BRINP3: variants seen among roughly 807,000 people sequenced by gnomAD.
BRINP3 encodes the protein BMP/retinoic acid-inducible neural-specific protein 3.
Under a neutral mutation model 71.0 loss-of-function variants are expected in BRINP3, and 19 were observed. That is an observed-to-expected ratio of 0.27 (90% confidence interval 0.19 to 0.39). The LOEUF (loss-of-function observed/expected upper bound fraction) is 0.39. BRINP3 is among the 10% of genes least tolerant of loss of function. BRINP3 has a pLI of 1.00. For synonymous variants in BRINP3, 380 were observed against 337.7 expected, an observed-to-expected ratio of 1.13 and a Z score of -1.37; for missense variants, 959 against 940.8, an observed-to-expected ratio of 1.02 and a Z score of -0.25.
At chr1:190,301,234 T>TATATATATATATATATATAC in intron 2 of BRINP3, among the ~76,000 whole-genome samples, 2 of 123,398 alleles carry the variant, frequency 1.6e-5, no homozygotes, top group Admixed American at 1.7e-4. Context: ...TATATATATA[T>TATATATATATATATATATAC]ACACACATAC....
intron 6 of BRINP3, among the ~76,000 whole-genome samples, chr1:190,205,217 T>C (rs1038670524): frequency 7.3e-5 from 11 of 151,614 alleles, no homozygotes; most frequent in African/African-American, 2.7e-4. Context: ...ACTTTCCGTG[T>C]TTTAAAACTC....
At chr1:190,331,553 A>AGTACGAG (rs1352549999) in intron 2 of BRINP3, among the ~76,000 whole-genome samples, 13 of 152,052 alleles carry the variant, frequency 8.5e-5, no homozygotes, top group African/African-American at 3.1e-4. Context: ...AATTATTTGT[A>AGTACGAG]GTACGAGGTG....
At chr1:190,449,073 T>G (rs942926530) in intron 2 of BRINP3, among the ~76,000 whole-genome samples, 5 of 152,062 alleles carry the variant, frequency 3.3e-5, no homozygotes, top group African/African-American at 4.8e-5. Flanking sequence ...CTGGGTCACT[T>G]AAACTTAATA....
At chr1:190,410,560 TA>T (rs1428664204) in intron 2 of BRINP3, among the ~76,000 whole-genome samples, 1 of 152,048 alleles carries the variant, frequency 6.6e-6, no homozygotes, top group East Asian at 1.9e-4. Context: ...AGAAAGGTAG[TA>T]TTTAAACCTA....
intron 2 of BRINP3, among the ~76,000 whole-genome samples, chr1:190,440,478 A>G (rs1049123676): frequency 3.9e-5 from 6 of 152,096 alleles, no homozygotes; most frequent in Admixed American, 3.9e-4. Flanking sequence ...GTTATCCTAC[A>G]TATCAACATT....
At position 190,422,254 on chromosome 1, in the gene BRINP3, A is replaced by G. The variant is rs143097213; in HGVS notation, c.236+32401T>C. ...GCGTCCATTAAATGTGACCAATGAT[A>G]TTAATGAATACATACTCTTGCTTGC... On this transcript the variant is annotated intron_variant, in intron 2 of 7. Transcript: ENST00000367462. Among the ~76,000 whole-genome samples the G allele has an allele frequency of 2.8e-4, 42 of 151,980 alleles. No homozygotes were observed. In the East Asian group the frequency reaches 7.7e-3, roughly 28 times the overall value.
intron 6 of BRINP3, among the ~76,000 whole-genome samples, chr1:190,181,937 C>A (rs1653066136): frequency 6.6e-6 from 1 of 151,910 alleles, no homozygotes; most frequent in Non-Finnish European, 1.5e-5. Context: ...TCATTGGAAA[C>A]CTACTAAAAT....
At chr1:190,137,470 C>A (rs570274430) in intron 7 of BRINP3, among the ~76,000 whole-genome samples, 1 of 149,918 alleles carries the variant, frequency 6.7e-6, no homozygotes, top group African/African-American at 2.4e-5. Flanking sequence ...AAAAATGCTT[C>A]GCATTATAGA....
At chr1:190,402,337 T>G (rs763571376) in intron 2 of BRINP3, among the ~76,000 whole-genome samples, 7 of 152,172 alleles carry the variant, frequency 4.6e-5, no homozygotes, top group Admixed American at 2.0e-4. Context: ...ATGCAATTAA[T>G]ATATTCATAT....
intron 2 of BRINP3, among the ~76,000 whole-genome samples, chr1:190,306,925 T>C (rs956671987): frequency 2.0e-5 from 3 of 152,030 alleles, no homozygotes; most frequent in Non-Finnish European, 4.4e-5. Context: ...TGTTCAAATT[T>C]TATAGCTTTG....
chr1:190,309,786 C>T (rs942600279), intron 2 of BRINP3, among the ~76,000 whole-genome samples: 1 of 151,570 alleles, frequency 6.6e-6, no homozygotes, highest in Non-Finnish European at 1.5e-5. Flanking sequence ...TAATTCTTTC[C>T]AGGAGTGTAC....
chr1:190,236,028 G>A (rs1282852326), intron 4 of BRINP3, among the ~76,000 whole-genome samples: 2 of 151,944 alleles, frequency 1.3e-5, no homozygotes, highest in Admixed American at 6.6e-5. Flanking sequence ...AGAGAAAGAG[G>A]AGGAGGAAAC....
chr1:190,141,360 G>A (rs565037220), intron 7 of BRINP3, among the ~76,000 whole-genome samples: 29 of 151,936 alleles, frequency 1.9e-4, no homozygotes, highest in African/African-American at 7.0e-4. Context: ...TTTTATGCCT[G>A]GAATTTAAAT....
At position 190,226,072 on chromosome 1, in the gene BRINP3, C is replaced by T. The variant is rs756644682; in HGVS notation, c.961+10G>A. On this transcript the variant is annotated intron_variant, in intron 6 of 7. Transcript: ENST00000367462. Reference sequence around the variant, plus strand: ...TATTTAAAAGTGTTATATTAAAATACATGTCTTACCTGATTCCTCAAAGTC... The same window carrying T: ...TATTTAAAAGTGTTATATTAAAATATATGTCTTACCTGATTCCTCAAAGTC... 6.7e-7 allele frequency: 1 copy of T among 1,488,598 alleles called. No homozygotes were observed. Among genetic ancestry groups the T allele is most frequent in the South Asian group, 1.3e-5 (1 of 76,836 alleles). 92.2% of individuals were successfully genotyped at this position (1,488,598 alleles called of 1,614,324 possible).
chr1:190,261,980 T>C (rs1293711566), intron 4 of BRINP3, among the ~76,000 whole-genome samples: 4 of 152,204 alleles, frequency 2.6e-5, no homozygotes, highest in African/African-American at 7.2e-5. Context: ...CAGTTCCTCA[T>C]ATTTACTTCT....
intron 2 of BRINP3, among the ~76,000 whole-genome samples, chr1:190,381,688 A>G (rs1374272367): frequency 6.6e-6 from 1 of 152,150 alleles, no homozygotes; most frequent in Non-Finnish European, 1.5e-5. Context: ...AATAATGTAA[A>G]TGAATGGCAG....
chr1:190,203,131 A>G (rs1655153241), intron 6 of BRINP3, among the ~76,000 whole-genome samples: 1 of 152,068 alleles, frequency 6.6e-6, no homozygotes, highest in Admixed American at 6.6e-5. Flanking sequence ...GTAAAATTCT[A>G]TTAGTTAAAG....
rs76519280 is a variant in BRINP3 at position 190,298,173 on chromosome 1, G to C, written c.237-16423C>G. On this transcript the variant is annotated intron_variant, in intron 2 of 7. Transcript: ENST00000367462. ...CTTAATTAATTCTTTATATCCACGA[G>C]TTGTGTAGTGCTAACCACTGTTAAG... Among the ~76,000 whole-genome samples the C allele has an allele frequency of 3.9e-5, 6 of 152,208 alleles. No individual in the cohort carries two copies. In the East Asian group the frequency reaches 1.2e-3, roughly 29 times the overall value.
At chr1:190,459,020 A>G (rs982174598) in intron 1 of BRINP3, among the ~76,000 whole-genome samples, 1 of 151,866 alleles carries the variant, frequency 6.6e-6, no homozygotes, top group Non-Finnish European at 1.5e-5. Flanking sequence ...TGTTTAAAAC[A>G]TGGTGTTTAA....
Sources: allele counts gnomAD v4.1 joint callset (sites outside exome capture counted in the v4.1 genomes callset), GRCh38; gene constraint gnomAD v4.1.1; transcripts MANE v1.5; gene names NCBI Gene and HGNC (gene_info 2026-07-23, HGNC 2026-07-21).